The following DISP3 variants were observed in gnomAD, a reference collection of about 807,000 sequenced individuals.
DISP3 encodes the protein dispatched RND transporter family member 3, also known as protein dispatched homolog 3.
DISP3 carries 101 observed loss-of-function variants against 135.3 expected under a neutral mutation model. That is an observed-to-expected ratio of 0.75 (90% CI 0.64 to 0.88). The LOEUF (loss-of-function observed/expected upper bound fraction) is 0.88, where lower values mean the gene tolerates loss of function less well. Among genes scored for constraint, DISP3 ranks in the 40% least tolerant of loss-of-function variants. The probability of loss-of-function intolerance (pLI) is 0.00; values close to 1 mark genes in which losing one functional copy is unlikely to be tolerated. For synonymous variants in DISP3, 856 were observed against 817.0 expected, an observed-to-expected ratio of 1.05 and a Z score of -0.81; for missense variants, 1,713 against 1,878.6, an observed-to-expected ratio of 0.91 and a Z score of 1.63.
In DISP3 at chr1:11,531,170, C is replaced by A; in HGVS notation, c.3229+137C>A. The A allele has an allele frequency of 7.3e-7, 1 of 1,376,920 alleles. No homozygotes were observed. Among genetic ancestry groups the A allele is most frequent in the Non-Finnish European group, 9.9e-7 (1 of 1,013,734 alleles). The allele number at this position is 1,376,920 out of a possible 1,614,324, so 85.3% of individuals were successfully genotyped here. A position where few individuals can be genotyped will look rare whatever the true frequency, so the allele number is the denominator to read the frequency against. On this transcript the variant is annotated intron_variant, in intron 16 of 20. Transcript: ENST00000294484. This position sits in a 1 kb window ranked among gnomAD's most constrained non-coding sequence, Gnocchi z 5.2. Reference sequence around the variant, plus strand: ...GGTCTTTTGCAGATGTGTATCTGTGCTGAGCATGTCCACACCAGGGTGGGG... The same window carrying A: ...GGTCTTTTGCAGATGTGTATCTGTGATGAGCATGTCCACACCAGGGTGGGG...
chr1:11,480,558 T>TC (rs1221781667), intron 1 of DISP3, among the ~76,000 whole-genome samples: 1 of 152,062 alleles, frequency 6.6e-6, no homozygotes, highest in Admixed American at 6.5e-5. Context: ...GTCTCCGGAC[T>TC]CACTGACTAA....
At chr1:11,504,199 A>C (rs545048253) in intron 3 of DISP3, among the ~76,000 whole-genome samples, 4 of 152,246 alleles carry the variant, frequency 2.6e-5, no homozygotes, top group Non-Finnish European at 4.4e-5. Context: ...ATACCAGCTC[A>C]TTTAATTCTC....
chr1:11,496,093 A>T (rs1366166246), intron 1 of DISP3, among the ~76,000 whole-genome samples: 1 of 152,238 alleles, frequency 6.6e-6, no homozygotes, highest in Non-Finnish European at 1.5e-5. Context: ...ATGGGTTTTT[A>T]AATGCATATA....
chr1:11,485,024 GCAAAACCCC>G (rs1448383651), intron 1 of DISP3, among the ~76,000 whole-genome samples: 1 of 152,014 alleles, frequency 6.6e-6, no homozygotes, highest in Non-Finnish European at 1.5e-5. Context: ...GAAAGTAATG[GCAAAACCCC>G]CAATTCCTTT....
At chr1:11,505,785 A>G (rs1385078945) in intron 3 of DISP3, among the ~76,000 whole-genome samples, 2 of 152,352 alleles carry the variant, frequency 1.3e-5, no homozygotes, top group Middle Eastern at 3.4e-3. Flanking sequence ...CCCAGAAGAC[A>G]TGACATCATT....
chr1:11,534,794 CCA>C, intron 18 of DISP3: 1 of 757,672 alleles, frequency 1.3e-6, no homozygotes, highest in Non-Finnish European at 2.3e-6. Context: ...ATGGCAGCTG[CCA>C]GTTACCAGCC....
At chr1:11,502,264 T>C (rs1641565815) in intron 2 of DISP3, among the ~76,000 whole-genome samples, 176 bp downstream of exon 2, 1 of 151,990 alleles carries the variant, frequency 6.6e-6, no homozygotes. Flanking sequence ...GAGATGAGCG[T>C]AAGAGGGAAC....
chr1:11,501,138 G>A lies in DISP3; in HGVS notation c.146G>A (p.Trp49Ter). 1.2e-6 allele frequency: 2 copies of A among 1,613,918 alleles called. No homozygotes were observed. The highest frequency in any genetic ancestry group is 1.7e-6 in the Non-Finnish European group (2 of 1,179,928). Residue 49 changes from tryptophan to a stop codon, truncating the protein, a stop_gained, in exon 2 of 21, where the codon TGG (tryptophan) becomes TAG (stop). Transcript: ENST00000294484. LOFTEE classifies it high-confidence loss of function. This position sits in a 1 kb window ranked among gnomAD's most constrained non-coding sequence, Gnocchi z 4.9. ...GGGGGACAGTGTTGCTGGCGGCACTGGCCCCTGGCTTCCCGACCCCCAGCT... is the reference window on the plus strand; with the variant it reads ...GGGGGACAGTGTTGCTGGCGGCACTAGCCCCTGGCTTCCCGACCCCCAGCT... ...GAGGQCCWRH[W>*]PLASRPPASG... is the part of the protein sequence containing the mutation.
rs548582233 is a variant in DISP3 at position 11,492,883 on chromosome 1, C to T, written c.-3-8107C>T. Among the ~76,000 whole-genome samples, 97 of 152,100 alleles carry T rather than the reference C, an allele frequency of 6.4e-4. 1 individual carries two copies. Among genetic ancestry groups the T allele is most frequent in the African/African-American group, 7.5e-4 (31 of 41,398 alleles). Reference sequence around the variant, plus strand: ...GGAAGGCATTCCCTGGCTCTGTTGCCGTGTTCATTTGAGATTCTAGGTAGG... The same window carrying T: ...GGAAGGCATTCCCTGGCTCTGTTGCTGTGTTCATTTGAGATTCTAGGTAGG... On this transcript the variant is annotated intron_variant, in intron 1 of 20. Coordinates refer to ENST00000294484, the MANE Select transcript of DISP3 (RefSeq NM_020780.2).
At position 11,525,773 on chromosome 1, in the gene DISP3, T is replaced by A. The variant is rs569081211; in HGVS notation, c.2613+461T>A. On this transcript the variant is annotated intron_variant, in intron 12 of 20. Transcript: ENST00000294484. ...GGAGTCCCCGAGCCCAGACTTGAGT[T>A]TTCCCCTTCATGGGAGTCATTTGTG... Among the ~76,000 whole-genome samples the A allele has an allele frequency of 2.6e-5, 4 of 152,260 alleles. No individual in the cohort carries two copies. In the South Asian group the frequency reaches 8.3e-4, roughly 32 times the overall value.
At chr1:11,487,548 C>A (rs185741007) in intron 1 of DISP3, among the ~76,000 whole-genome samples, 192 of 152,376 alleles carry the variant, frequency 1.3e-3, no homozygotes, top group African/African-American at 4.5e-3. Context: ...ATCATTCCCG[C>A]TGTCACCAGC....
chr1:11,502,724 G>T lies in DISP3; in HGVS notation c.1143G>T (p.Val381=), dbSNP rs756329054. ...AMTHPEFYWY[V]DEGLSADNLK... is the part of the protein sequence containing the mutation. ...CTCACCCTGAGTTCTACTGGTATGT[G>T]GATGAGGGCCTCTCTGCAGACAATC... Residue 381 remains valine (V), a synonymous_variant, in exon 3 of 21, where the codon GTG becomes GTT. Transcript: ENST00000294484. 1 of 1,614,184 alleles carries T rather than the reference G, an allele frequency of 6.2e-7. No individual in the cohort carries two copies. Among genetic ancestry groups the T allele is most frequent in the South Asian group, 1.1e-5 (1 of 91,076 alleles).
Position 11,519,355 on chromosome 1 carries a change from C to A in DISP3, c.1890C>A (p.Ser630Arg), listed in dbSNP as rs374811247. 5 of 1,613,562 alleles carry A rather than the reference C, an allele frequency of 3.1e-6. No individual in the cohort carries two copies. The African/African-American group carries it at 6.7e-5, about 22-fold the overall frequency. ...LAPLESSCQT[S>R]CHQNCSRKTS... Reference sequence around the variant, plus strand: ...CCCCTGTCCCCTACTCTCTCCACAGCTGCCACCAGAATTGCAGCCGGAAGA... The same window carrying A: ...CCCCTGTCCCCTACTCTCTCCACAGATGCCACCAGAATTGCAGCCGGAAGA... The change falls in exon 8 of 21, where the codon AGC (serine) becomes AGA (arginine). Residue 630 changes from serine (S) to arginine (R), a missense_variant and splice_region_variant. By Grantham distance (110) the Ser-to-Arg change is moderately radical. Transcript: ENST00000294484. The surrounding 1 kb of genome is among the most constrained non-coding windows in gnomAD (Gnocchi z 4.3).
In DISP3 at chr1:11,529,524, C is replaced by T. The variant is rs367973154; in HGVS notation, c.2799-32C>T. 7.5e-5 allele frequency: 115 copies of T among 1,532,936 alleles called. No individual in the cohort carries two copies. The highest frequency in any genetic ancestry group is 9.7e-5 in the Non-Finnish European group (110 of 1,137,690). 95.0% of individuals were successfully genotyped at this position (1,532,936 alleles called of 1,614,324 possible). On this transcript the variant is annotated intron_variant, in intron 13 of 20. Coordinates refer to ENST00000294484, the MANE Select transcript of DISP3 (RefSeq NM_020780.2). The surrounding 1 kb of genome is among the most constrained non-coding windows in gnomAD (Gnocchi z 4.7). Reference sequence around the variant, plus strand: ...CTCCCCTGACTCCTCCTAGCCTTTCCGGCCTCAGCCCAGCCTCCATTCCCT... The same window carrying T: ...CTCCCCTGACTCCTCCTAGCCTTTCTGGCCTCAGCCCAGCCTCCATTCCCT...
At chr1:11,521,868 T>C (rs1336031680) in intron 10 of DISP3, among the ~76,000 whole-genome samples, 1 of 152,094 alleles carries the variant, frequency 6.6e-6, no homozygotes, top group Non-Finnish European at 1.5e-5. Context: ...TGATTGTCAC[T>C]GGAAGCTAGT....
chr1:11,492,248 C>T (rs1641209066), intron 1 of DISP3, among the ~76,000 whole-genome samples: 1 of 152,148 alleles, frequency 6.6e-6, no homozygotes, highest in African/African-American at 2.4e-5. Context: ...GGTTCTGTCC[C>T]ACTGAGCCCA....
rs773763340 is a variant in DISP3 at position 11,531,612 on chromosome 1, G to C, written c.3277G>C (p.Glu1093Gln). 6.2e-7 allele frequency: 1 copy of C among 1,613,544 alleles called. No homozygotes were observed. The highest frequency in any genetic ancestry group is 1.7e-5 in the Admixed American group (1 of 60,010). ...FLQMLHPECKELPEPNLLPGQ... is the reference protein window; with the variant it reads ...FLQMLHPECKQLPEPNLLPGQ... ...GCAGATGTTGCACCCTGAGTGCAAG[G>C]AGCTGCCCGAGCCCAACCTGCTCCC... The change falls in exon 17 of 21, where the codon GAG (glutamate) becomes CAG (glutamine). Residue 1093 changes from glutamate (E) to glutamine (Q), a missense_variant. By Grantham distance (29) the Glu-to-Gln change is conservative. Coordinates refer to ENST00000294484, the MANE Select transcript of DISP3 (RefSeq NM_020780.2). This position sits in a 1 kb window ranked among gnomAD's most constrained non-coding sequence, Gnocchi z 5.2.
At chr1:11,513,264 AC>A (rs112891416) in intron 3 of DISP3, among the ~76,000 whole-genome samples, 5,270 of 152,306 alleles carry the variant, frequency 0.035, 267 homozygotes, top group African/African-American at 0.12. Flanking sequence ...AGCCTGGGTG[AC>A]AAAGTGAGAC....
chr1:11,524,144 T>G, intron 11 of DISP3, 89 bp downstream of exon 11: 1 of 1,018,350 alleles, frequency 9.8e-7, no homozygotes, highest in South Asian at 1.4e-5. Flanking sequence ...TCCTTCTGGA[T>G]TCTCCTTCAA....
Sources: allele counts gnomAD v4.1 joint callset (sites outside exome capture counted in the v4.1 genomes callset), GRCh38; gene constraint gnomAD v4.1.1; non-coding constraint Gnocchi (gnomAD v3.1); transcripts MANE v1.5; gene names NCBI Gene and HGNC (gene_info 2026-07-23, HGNC 2026-07-21).